The following INTS9 variants were observed in gnomAD, a reference collection of about 807,000 sequenced individuals.
The protein encoded by INTS9 is protein related to CPSF subunits of 74 kDa.
In INTS9, 55 loss-of-function variants were observed where a neutral mutation model predicts 79.7. That is an observed-to-expected ratio of 0.69 (90% CI 0.56 to 0.86). The LOEUF (loss-of-function observed/expected upper bound fraction) is 0.86. INTS9 is among the 40% of genes least tolerant of loss of function. The pLI is 0.00. For missense variants in INTS9, 721 were observed against 831.5 expected, an observed-to-expected ratio of 0.87 and a Z score of 1.64; for synonymous variants, 319 against 325.2, an observed-to-expected ratio of 0.98 and a Z score of 0.20.
intron 12 of INTS9, 48 bp from the exon 13 acceptor site, chr8:28,778,001 G>A (rs576258809): frequency 1.3e-6 from 2 of 1,535,816 alleles, no homozygotes; most frequent in East Asian, 2.4e-5. Flanking sequence ...CTACACAGGA[G>A]CTGCCAAGCC....
intron 14 of INTS9, among the ~76,000 whole-genome samples, chr8:28,772,709 A>C (rs1357423415): frequency 1.3e-5 from 2 of 152,144 alleles, no homozygotes; most frequent in Non-Finnish European, 2.9e-5. Context: ...CGGGAGGCTG[A>C]GGCAGGAGAA....
At chr8:28,822,648 T>C (rs1421704191) in intron 6 of INTS9, among the ~76,000 whole-genome samples, 2 of 152,108 alleles carry the variant, frequency 1.3e-5, no homozygotes, top group African/African-American at 4.8e-5. Flanking sequence ...AAAGACAAGA[T>C]TCTAAAAGCT....
At chr8:28,782,712 T>A (rs1003107528) in intron 11 of INTS9, among the ~76,000 whole-genome samples, 1 of 152,198 alleles carries the variant, frequency 6.6e-6, no homozygotes, top group Non-Finnish European at 1.5e-5. Context: ...GCCCAGAAGT[T>A]TGAGACCAGG....
intron 1 of INTS9, among the ~76,000 whole-genome samples, chr8:28,863,978 TA>T (rs1191789343): frequency 1.3e-5 from 2 of 152,252 alleles, no homozygotes; most frequent in African/African-American, 4.8e-5. Flanking sequence ...ACATTATTTA[TA>T]TTTTTTGAAT....
intron 6 of INTS9, 113 bp from the exon 7 acceptor site, chr8:28,813,725 ATTG>A (rs1490012599): frequency 8.6e-7 from 1 of 1,160,162 alleles, no homozygotes; most frequent in East Asian, 2.4e-5. Context: ...CTGGCATATA[ATTG>A]TTCATAGGAT....
At chr8:28,861,123 AC>A (rs1808438573) in intron 1 of INTS9, among the ~76,000 whole-genome samples, 1 of 152,244 alleles carries the variant, frequency 6.6e-6, no homozygotes, top group South Asian at 2.1e-4. Flanking sequence ...TACGATAAAA[AC>A]AATACAAATT....
At chr8:28,804,812 TAAAGAGA>T (rs1804717378) in intron 8 of INTS9, among the ~76,000 whole-genome samples, 1 of 152,100 alleles carries the variant, frequency 6.6e-6, no homozygotes, top group East Asian at 1.9e-4. Flanking sequence ...TGAGCAGGTA[TAAAGAGA>T]AACACCTAGA....
At chr8:28,801,135 G>A (rs1585377007) in intron 8 of INTS9, among the ~76,000 whole-genome samples, 2 of 152,090 alleles carry the variant, frequency 1.3e-5, no homozygotes, top group South Asian at 4.1e-4. Context: ...GAAATTCAGG[G>A]GGAAGAAATC....
intron 2 of INTS9, among the ~76,000 whole-genome samples, chr8:28,858,878 A>G (rs1234378036): frequency 1.3e-5 from 2 of 152,218 alleles, no homozygotes; most frequent in Non-Finnish European, 2.9e-5. Flanking sequence ...GTTTCTAAAT[A>G]GTAGTATGCT....
chr8:28,859,793 G>A, intron 1 of INTS9: 1 of 595,128 alleles, frequency 1.7e-6, no homozygotes. Flanking sequence ...GGGTGCCAAG[G>A]CAAGCCCGGT....
intron 10 of INTS9, among the ~76,000 whole-genome samples, chr8:28,791,569 C>G (rs1033651973): frequency 6.6e-6 from 1 of 152,168 alleles, no homozygotes; most frequent in African/African-American, 2.4e-5. Context: ...CTTAACCCCC[C>G]AAATGGGGTC....
At chr8:28,831,677 G>T (rs146945165) in intron 6 of INTS9, among the ~76,000 whole-genome samples, 2 of 152,204 alleles carry the variant, frequency 1.3e-5, no homozygotes, top group South Asian at 2.1e-4. Context: ...CCTAAGACTT[G>T]ACCCAAGATT....
intron 8 of INTS9, among the ~76,000 whole-genome samples, chr8:28,808,429 C>T (rs575779467): frequency 4.7e-4 from 71 of 152,260 alleles, no homozygotes; most frequent in Non-Finnish European, 8.2e-4. Flanking sequence ...TGTGATCTGC[C>T]TGCCTTGGTC....
chr8:28,870,410 A>G (rs1405344777), intron 1 of INTS9, among the ~76,000 whole-genome samples: 3 of 142,150 alleles, frequency 2.1e-5, no homozygotes, highest in Non-Finnish European at 4.5e-5. Flanking sequence ...ATTGGCAACA[A>G]AGTTTTTAAG....
In INTS9 at chr8:28,828,844, T is replaced by C. The variant is rs575470223; in HGVS notation, c.488+6448A>G. On this transcript the variant is annotated intron_variant, in intron 6 of 16. Transcript: ENST00000521022. ...TCCCACGTAGCTGGGATTATAGGTATGACTAATTTTGTATTTTTAGTAGAG... is the reference window on the plus strand; with the variant it reads ...TCCCACGTAGCTGGGATTATAGGTACGACTAATTTTGTATTTTTAGTAGAG... Among the ~76,000 whole-genome samples the C allele has an allele frequency of 3.3e-5, 5 of 152,110 alleles. No individual in the cohort carries two copies. In the East Asian group the frequency reaches 9.7e-4, roughly 29 times the overall value.
chr8:28,881,706 G>T (rs1327297979), intron 1 of INTS9, among the ~76,000 whole-genome samples: 1 of 146,078 alleles, frequency 6.8e-6, no homozygotes, highest in East Asian at 2.2e-4. Flanking sequence ...AGGGAGGTGG[G>T]GGGGTCAGCC....
intron 9 of INTS9, among the ~76,000 whole-genome samples, chr8:28,794,495 C>G (rs1804089997): frequency 6.6e-6 from 1 of 152,158 alleles, no homozygotes; most frequent in South Asian, 2.1e-4. Flanking sequence ...AACTTGAGGG[C>G]TGGTGGACTT....
At chr8:28,778,605 C>T (rs543105691) in intron 12 of INTS9, among the ~76,000 whole-genome samples, 112 of 152,328 alleles carry the variant, frequency 7.4e-4, no homozygotes, top group African/African-American at 2.4e-3. Flanking sequence ...GAAGAGTCCT[C>T]GCCCTCTGCT....
chr8:28,785,480 G>A (rs1803533390), intron 11 of INTS9, among the ~76,000 whole-genome samples: 1 of 152,166 alleles, frequency 6.6e-6, no homozygotes, highest in African/African-American at 2.4e-5. Context: ...ATGGATGCAG[G>A]AGTTTCTGTT....
Sources: allele counts gnomAD v4.1 joint callset (sites outside exome capture counted in the v4.1 genomes callset), GRCh38; gene constraint gnomAD v4.1.1; transcripts MANE v1.5; gene names NCBI Gene and HGNC (gene_info 2026-07-23, HGNC 2026-07-21).